Variants in PGM2L1 observed in about 807,000 individuals in gnomAD.
The protein encoded by PGM2L1 is glucose 1,6-bisphosphate synthase.
A neutral mutation model predicts 73.4 loss-of-function variants in PGM2L1; 35 were observed. The observed-to-expected ratio is 0.48, with a 90% CI of 0.36 to 0.63. PGM2L1 has a LOEUF of 0.63. Ranked by LOEUF, PGM2L1 falls within the 30% of genes least tolerant of loss-of-function variation. PGM2L1 has a pLI of 0.00. For missense variants in PGM2L1, 570 were observed against 742.0 expected (o/e 0.77, Z 2.69); for synonymous variants, 225 against 253.8 (o/e 0.89, Z 1.08).
chr11:74,339,588 A>C (rs1254121647), intron 12 of PGM2L1, among the ~76,000 whole-genome samples: 2 of 152,246 alleles, frequency 1.3e-5, no homozygotes, highest in East Asian at 3.9e-4. Context: ...TACTTTATTT[A>C]ACTCAACTTT....
At position 74,342,484 on chromosome 11, in the gene PGM2L1, T is replaced by A; in HGVS notation, c.1609A>T (p.Ser537Cys). The A allele has an allele frequency of 6.7e-7, 1 of 1,500,720 alleles. No individual in the cohort carries two copies. Among genetic ancestry groups the A allele is most frequent in the South Asian group, 1.4e-5 (1 of 71,028 alleles). 93.0% of individuals were successfully genotyped at this position (1,500,720 alleles called of 1,614,324 possible). A position where few individuals can be genotyped will look rare whatever the true frequency, so the allele number is the denominator to read the frequency against. ...ACTGATTTCTTATTAGGCTGGCTACTGTCATATCCAGTGGTAACGTCCCGT... is the reference window on the plus strand; with the variant it reads ...ACTGATTTCTTATTAGGCTGGCTACAGTCATATCCAGTGGTAACGTCCCGT... ...HVRDVTTGYD[S>C]SQPNKKSVLP... is the part of the protein sequence containing the mutation. The change falls in exon 12 of 14, where the codon AGT becomes TGT. Residue 537 changes from serine to cysteine, a missense_variant. Physicochemically the swap from Ser to Cys is moderately radical, Grantham distance 112 (BLOSUM62 -1). Transcript: ENST00000298198.
At position 74,345,498 on chromosome 11, in the gene PGM2L1, T is replaced by C. The variant is rs753329860; in HGVS notation, c.1189A>G (p.Ile397Val). ...TTVSSKILKAIALKEGFHFEE... is the reference protein window; with the variant it reads ...TTVSSKILKAVALKEGFHFEE... Reference sequence around the variant, plus strand: ...AAATGAAATCCTTCTTTAAGTGCAATTGCCTTCAGAATTTTAGAAGAGACT... The same window carrying C: ...AAATGAAATCCTTCTTTAAGTGCAACTGCCTTCAGAATTTTAGAAGAGACT... The change falls in exon 9 of 14, where the codon ATT becomes GTT. Residue 397 changes from isoleucine to valine, a missense_variant. Coordinates refer to ENST00000298198, the MANE Select transcript of PGM2L1 (RefSeq NM_173582.6). 1.2e-5 allele frequency: 20 copies of C among 1,612,480 alleles called. No homozygotes were observed. The South Asian group carries it at 2.0e-4, about 16-fold the overall frequency.
intron 1 of PGM2L1, among the ~76,000 whole-genome samples, chr11:74,381,571 C>CTTTT (rs1195996518): frequency 1.9e-4 from 18 of 95,408 alleles, no homozygotes; most frequent in African/African-American, 2.6e-4. Context: ...GTGTTTTTGT[C>CTTTT]TTTTTTTTTT....
intron 7 of PGM2L1, 34 bp from the exon 8 acceptor site, chr11:74,346,863 G>T: frequency 6.7e-7 from 1 of 1,488,712 alleles, no homozygotes; most frequent in Non-Finnish European, 9.4e-7. Context: ...GGATTGTACT[G>T]AAGAACCTAA....
chr11:74,338,708 C>T (rs556644218), intron 12 of PGM2L1, 107 bp from the exon 13 acceptor site: 133 of 1,316,908 alleles, frequency 1.0e-4, no homozygotes, highest in East Asian at 8.2e-4. Flanking sequence ...TATCTAAAGT[C>T]GTCAAATTTA....
chr11:74,380,996 A>C (rs573650570), intron 1 of PGM2L1, among the ~76,000 whole-genome samples: 3 of 152,156 alleles, frequency 2.0e-5, no homozygotes, highest in East Asian at 3.8e-4. Context: ...ATCCTGAACA[A>C]GTCACTTCAC....
chr11:74,372,144 A>G (rs932967603), intron 2 of PGM2L1, among the ~76,000 whole-genome samples: 4 of 148,210 alleles, frequency 2.7e-5, no homozygotes, highest in African/African-American at 7.4e-5. Flanking sequence ...AAAAAAAAAA[A>G]GATTAGAAGA....
In PGM2L1 at chr11:74,355,692, C is replaced by T. The variant is rs1862440312; in HGVS notation, c.556-4116G>A. 7.8e-6 allele frequency: 4 copies of T among 512,934 alleles called. No homozygotes were observed. In the Admixed American group the frequency reaches 7.8e-5, roughly 10 times the overall value. The allele number at this position is 512,934 out of a possible 1,614,324, so 31.8% of individuals were successfully genotyped here. On this transcript the variant is annotated intron_variant, in intron 5 of 13. Transcript: ENST00000298198. Reference sequence around the variant, plus strand: ...AAGGTGGCTATGGTGGTTCCAATAGCAGCAGTAGCTATGGCAGCAGCAGCA... The same window carrying T: ...AAGGTGGCTATGGTGGTTCCAATAGTAGCAGTAGCTATGGCAGCAGCAGCA...
At chr11:74,349,860 C>T (rs765756964) in intron 6 of PGM2L1, among the ~76,000 whole-genome samples, 90 of 152,076 alleles carry the variant, frequency 5.9e-4, no homozygotes, top group Non-Finnish European at 1.0e-3. Flanking sequence ...ATATCTACAT[C>T]TGTAAAATCA....
At position 74,343,314 on chromosome 11, in the gene PGM2L1, A is replaced by G. The variant is rs1424512559; in HGVS notation, c.1312+9T>C. 1.3e-6 allele frequency: 2 copies of G among 1,572,008 alleles called. No individual in the cohort carries two copies. Among genetic ancestry groups the G allele is most frequent in the Non-Finnish European group, 1.7e-6 (2 of 1,169,304 alleles). On this transcript the variant is annotated intron_variant, in intron 10 of 13. Transcript: ENST00000298198. ...TCAAATTTTGAAGATTTTAATATTTACTACATACCAATAGACTCTTCAAAT... is the reference window on the plus strand; with the variant it reads ...TCAAATTTTGAAGATTTTAATATTTGCTACATACCAATAGACTCTTCAAAT...
intron 2 of PGM2L1, among the ~76,000 whole-genome samples, chr11:74,373,144 C>A (rs1365445176): frequency 6.6e-6 from 1 of 152,164 alleles, no homozygotes; most frequent in Non-Finnish European, 1.5e-5. Flanking sequence ...ATCCCAAATC[C>A]AGTGAAAATG....
chr11:74,377,230 G>C (rs1187141245), intron 1 of PGM2L1, among the ~76,000 whole-genome samples: 1 of 151,746 alleles, frequency 6.6e-6, no homozygotes, highest in Non-Finnish European at 1.5e-5. Context: ...CGCCTCCCGG[G>C]TTCACACCAT....
At chr11:74,348,171 C>T (rs561092634) in intron 6 of PGM2L1, among the ~76,000 whole-genome samples, 62 of 152,292 alleles carry the variant, frequency 4.1e-4, no homozygotes, top group African/African-American at 1.4e-3. Flanking sequence ...CATCAATTCT[C>T]ACTTGAGAAC....
chr11:74,359,564 C>CACATAT (rs1555099516), intron 5 of PGM2L1, among the ~76,000 whole-genome samples: 1 of 149,976 alleles, frequency 6.7e-6, no homozygotes, highest in African/African-American at 2.5e-5. Flanking sequence ...CACGTACATA[C>CACATAT]ATATATATAT....
chr11:74,360,271 GA>G (rs1209343522), intron 5 of PGM2L1, among the ~76,000 whole-genome samples: 68 of 56,698 alleles, frequency 1.2e-3, no homozygotes, highest in African/African-American at 4.2e-3. Flanking sequence ...GAAAGAGAAA[GA>G]GAAGGAAGGA....
At position 74,398,354 on chromosome 11, in the gene PGM2L1, T is replaced by C. The variant is rs1368713946; in HGVS notation, c.-193A>G. The C allele has an allele frequency of 1.2e-6, 1 of 831,490 alleles. No individual in the cohort carries two copies. The highest frequency in any genetic ancestry group is 2.7e-5 in the South Asian group (1 of 37,500). The allele number at this position is 831,490 out of a possible 1,614,324, so 51.5% of individuals were successfully genotyped here. ...GGGAGAGAGGGGGTTTATGGCCGCCTGCTCCCCAGCGGACCAGGTCCGGGT... is the reference window on the plus strand; with the variant it reads ...GGGAGAGAGGGGGTTTATGGCCGCCCGCTCCCCAGCGGACCAGGTCCGGGT... On this transcript the variant is annotated 5_prime_UTR_variant, in exon 1 of 14. Transcript: ENST00000298198.
Position 74,331,689 on chromosome 11 carries a change from TAA to T in PGM2L1, c.*4961_*4962del, listed in dbSNP as rs1383559883. The T allele has an allele frequency of 6.6e-6, 1 of 152,218 alleles. No individual in the cohort carries two copies. Among genetic ancestry groups the T allele is most frequent in the African/African-American group, 2.4e-5 (1 of 41,438 alleles). 9.4% of individuals were successfully genotyped at this position (152,218 alleles called of 1,614,324 possible). A position where few individuals can be genotyped will look rare whatever the true frequency, so the allele number is the denominator to read the frequency against. On this transcript the variant is annotated 3_prime_UTR_variant, in exon 14 of 14. Transcript: ENST00000298198. ...AACATGGTGCTCCTTTGTGGTGGCA[TAA>T]GTTTCAGTAAAGATTAAACATATCA...
intron 12 of PGM2L1, among the ~76,000 whole-genome samples, chr11:74,342,112 G>T (rs1862191474): frequency 6.6e-6 from 1 of 152,138 alleles, no homozygotes; most frequent in Non-Finnish European, 1.5e-5. Context: ...ATCCTGTTTT[G>T]ATCAGTGAGG....
chr11:74,355,200 A>T, intron 5 of PGM2L1: 1 of 1,439,108 alleles, frequency 6.9e-7, no homozygotes, highest in South Asian at 1.1e-5. Flanking sequence ...TAATGATGGA[A>T]GCAATTTTGG....
Sources: allele counts gnomAD v4.1 joint callset (sites outside exome capture counted in the v4.1 genomes callset), GRCh38; gene constraint gnomAD v4.1.1; transcripts MANE v1.5; gene names NCBI Gene and HGNC (gene_info 2026-07-23, HGNC 2026-07-21).